The following LGI4 variants were observed in gnomAD, a reference collection of about 807,000 sequenced individuals.
LGI4 encodes the protein leucine-rich repeat LGI family member 4.
LGI4 carries 36 observed loss-of-function variants against 48.3 expected under a neutral mutation model. The ratio of observed to expected loss-of-function variants is 0.75; its 90% CI spans 0.57 to 0.98. LGI4 has a LOEUF of 0.98. LGI4 is among the 50% of genes least tolerant of loss of function. The pLI is 0.00. For missense variants in LGI4, 701 were observed against 732.1 expected (o/e 0.96, Z 0.49); for synonymous variants, 355 against 331.6 (o/e 1.07, Z -0.77).
Position 35,126,617 on chromosome 19 carries a change from TG to T in LGI4, c.951del (p.Asn318MetfsTer152). 1 of 1,541,654 alleles carries T rather than the reference TG, an allele frequency of 6.5e-7. No individual in the cohort carries two copies. Among genetic ancestry groups the T allele is most frequent in the Non-Finnish European group, 8.7e-7 (1 of 1,149,728 alleles). ...QTLAPRRLLRPNDAELLWLEG... is the reference protein window; with the variant it reads ...QTLAPRRLLRXNDAELLWLEG... ...TCCAGCCACAGGAGCTCGGCGTCAT[TG>T]GGCCGCAGCAGCCGCCGCGGGGCCA... On this transcript the variant is annotated frameshift_variant, in exon 8 of 9. Transcript: ENST00000310123. LOFTEE classifies it high-confidence loss of function.
rs183717972 is a variant in LGI4 at position 35,128,850 on chromosome 19, T to C, written c.629-1833A>G. 2.6e-5 allele frequency among the ~76,000 whole-genome samples: 4 copies of C among 152,322 alleles called. No individual in the cohort carries two copies. The East Asian group carries it at 7.7e-4, about 29-fold the overall frequency. The stretch of plus-strand genomic sequence containing the variant: ...CTGAGCCACACCTGCCTTCGTTTGA[T>C]CTTCAAACAGGGCACACTGTATGCT... On this transcript the variant is annotated intron_variant, in intron 6 of 8. Transcript: ENST00000310123.
In LGI4 at chr19:35,134,194, C is replaced by A. The variant is rs762314844; in HGVS notation, c.171-90G>T. 4.2e-6 allele frequency: 5 copies of A among 1,200,484 alleles called. No individual in the cohort carries two copies. The Admixed American group carries it at 6.0e-5, about 14-fold the overall frequency. 74.4% of individuals were successfully genotyped at this position (1,200,484 alleles called of 1,614,324 possible). On this transcript the variant is annotated intron_variant, in intron 1 of 8. Transcript: ENST00000310123. Reference sequence around the variant, plus strand: ...CCTTCTGCCATCCGGGAGACCCCAGCGTGCCACCCTGACCCTGGATGTGTC... The same window carrying A: ...CCTTCTGCCATCCGGGAGACCCCAGAGTGCCACCCTGACCCTGGATGTGTC...
chr19:35,134,194 C>T (rs762314844), intron 1 of LGI4, 90 bp from the exon 2 acceptor site: 63 of 1,200,484 alleles, frequency 5.2e-5, no homozygotes, highest in Non-Finnish European at 7.2e-5. Context: ...GAGACCCCAG[C>T]GTGCCACCCT....
chr19:35,128,332 A>G (rs548836605), intron 6 of LGI4, among the ~76,000 whole-genome samples: 169 of 152,348 alleles, frequency 1.1e-3, no homozygotes, highest in Non-Finnish European at 1.9e-3. Context: ...TCCAGGTGCC[A>G]GCGTTGAAGC....
Position 35,126,921 on chromosome 19 carries a change from G to A in LGI4, c.725C>T (p.Ala242Val), listed in dbSNP as rs763854801. The A allele has an allele frequency of 6.8e-6, 11 of 1,613,724 alleles. No individual in the cohort carries two copies. The highest frequency in any genetic ancestry group is 1.3e-5 in the African/African-American group (1 of 75,054). Reference sequence around the variant, plus strand: ...CCAGGAGAGAATCAGGCAGCGGCCGGCGAAGGGCTGTGCCAGCACAATGTG... The same window carrying A: ...CCAGGAGAGAATCAGGCAGCGGCCGACGAAGGGCTGTGCCAGCACAATGTG... ...EPHIVLAQPF[A>V]GRCLILSWDY... The change falls in exon 7 of 9, where the codon GCC becomes GTC. Residue 242 changes from alanine to valine, a missense_variant. Physicochemically the swap from Ala to Val is moderately conservative, Grantham distance 64. Coordinates refer to ENST00000310123, the MANE Select transcript of LGI4 (RefSeq NM_139284.3).
At chr19:35,133,198 C>T (rs753373440) in intron 3 of LGI4, 23 of 256,338 alleles carry the variant, frequency 9.0e-5, no homozygotes, top group Non-Finnish European at 1.3e-4. Context: ...TTATCATCAA[C>T]GCCATGACCC....
intron 2 of LGI4, 72 bp from the exon 3 acceptor site, chr19:35,133,836 C>T (rs1469161701): frequency 6.6e-7 from 1 of 1,508,534 alleles, no homozygotes; most frequent in African/African-American, 1.4e-5. Context: ...CTGGCCTCCA[C>T]CCTCAGCCTA....
chr19:35,132,109 A>G (rs767162401), intron 3 of LGI4, 67 bp from the exon 4 acceptor site: 24 of 1,305,700 alleles, frequency 1.8e-5, no homozygotes, highest in Non-Finnish European at 2.6e-5. Context: ...CATGAAAGAC[A>G]TAGGCCCACT....
intron 3 of LGI4, among the ~76,000 whole-genome samples, chr19:35,132,458 T>G (rs528092698): frequency 8.6e-5 from 13 of 151,062 alleles, no homozygotes; most frequent in African/African-American, 2.9e-4. Context: ...CCACCACCAG[T>G]GCTAGCACCC....
In LGI4 at chr19:35,125,135, G is replaced by T. The variant is rs2065121986; in HGVS notation, c.*58C>A. On this transcript the variant is annotated 3_prime_UTR_variant, in exon 9 of 9. Transcript: ENST00000310123. ...GGGCCATCACCCCAAGTAGGGCCAG[G>T]AGCCAGCCAAGGGGCCGTCCAGGGG... The T allele has an allele frequency of 2.3e-5, 33 of 1,445,724 alleles. 1 individual carries two copies. The South Asian group carries it at 4.7e-4, about 21-fold the overall frequency. 89.6% of individuals were successfully genotyped at this position (1,445,724 alleles called of 1,614,324 possible).
intron 3 of LGI4, 44 bp from the exon 4 acceptor site, chr19:35,132,086 A>C: frequency 6.7e-7 from 1 of 1,491,324 alleles, no homozygotes; most frequent in Non-Finnish European, 9.2e-7. Flanking sequence ...GCTGAGCTTC[A>C]GGGAACGCAC....
At position 35,133,501 on chromosome 19, in the gene LGI4, C is replaced by A. The variant is rs574411908; in HGVS notation, c.314+192G>T. The A allele has an allele frequency of 1.7e-5, 24 of 1,425,738 alleles. No homozygotes were observed. In the South Asian group the frequency reaches 3.0e-4, roughly 18 times the overall value. 88.3% of individuals were successfully genotyped at this position (1,425,738 alleles called of 1,614,324 possible). On this transcript the variant is annotated intron_variant, in intron 3 of 8. Coordinates refer to ENST00000310123, the MANE Select transcript of LGI4 (RefSeq NM_139284.3). ...ACTGATAAACATCATTGACACCAGC[C>A]CTGAGAACTTCATCAGTATCACCCA...
rs1161740667 is a variant in LGI4 at position 35,134,941 on chromosome 19, T to C, written c.-261A>G. On this transcript the variant is annotated 5_prime_UTR_variant, in exon 1 of 9. Coordinates refer to ENST00000310123, the MANE Select transcript of LGI4 (RefSeq NM_139284.3). ...CTCTGTGTGTTAGTCTGTTTCTATT[T>C]CTGTCTTTGTCTCTCTTTCTGCCTG... 2.5e-5 allele frequency: 12 copies of C among 477,650 alleles called. No homozygotes were observed. The highest frequency in any genetic ancestry group is 4.4e-5 in the Non-Finnish European group (12 of 272,092). The allele number at this position is 477,650 out of a possible 1,614,324, so 29.6% of individuals were successfully genotyped here.
chr19:35,126,230 T>C, intron 8 of LGI4, 40 bp downstream of exon 8: 1 of 1,598,418 alleles, frequency 6.3e-7, no homozygotes, highest in Non-Finnish European at 8.5e-7. Flanking sequence ...ATTGGGTCAG[T>C]GCTGAAAAGC....
At chr19:35,128,682 A>C (rs1422070947) in intron 6 of LGI4, among the ~76,000 whole-genome samples, 1 of 152,186 alleles carries the variant, frequency 6.6e-6, no homozygotes, top group African/African-American at 2.4e-5. Context: ...ACTGAACTCC[A>C]GCCTGGGCGA....
Position 35,126,288 on chromosome 19 carries a change from G to A in LGI4, c.1281C>T (p.Arg427=). ...GCCTCACCATGGAGTCCCCAATGTA[G>A]CGTGTGAGGCACAGGAACACGTCCC... ...AGGDVFLCLT[R]YIGDSMVMRW... The change falls in exon 8 of 9, where the codon CGC becomes CGT. Residue 427 remains arginine (R), a synonymous_variant. Transcript: ENST00000310123. 1 of 1,612,068 alleles carries A rather than the reference G, an allele frequency of 6.2e-7. No individual in the cohort carries two copies. The highest frequency in any genetic ancestry group is 8.5e-7 in the Non-Finnish European group (1 of 1,179,578).
intron 6 of LGI4, chr19:35,130,982 C>T (rs1038975654): frequency 5.7e-6 from 3 of 528,034 alleles, no homozygotes; most frequent in Admixed American, 7.2e-5. Context: ...GCCCAGTATC[C>T]TAAAAGGCAA....
chr19:35,124,642 G>C lies in LGI4; in HGVS notation c.*551C>G, dbSNP rs2065116575. The C allele has an allele frequency of 6.6e-6, 1 of 152,378 alleles. No individual in the cohort carries two copies. Among genetic ancestry groups the C allele is most frequent in the African/African-American group, 2.4e-5 (1 of 41,482 alleles). 9.4% of individuals were successfully genotyped at this position (152,378 alleles called of 1,614,324 possible). On this transcript the variant is annotated 3_prime_UTR_variant, in exon 9 of 9. Transcript: ENST00000310123. The stretch of plus-strand genomic sequence containing the variant: ...CCTGTGCCCCGGCGCACGCGCAAGA[G>C]GCGCAAAAGGCACAGCTTGCTGGGC...
rs1207197082 is a variant in LGI4, at chr19:35,126,648, C to A, written c.921G>T (p.Gln307His). The stretch of plus-strand genomic sequence containing the variant: ...GCAGCAGCCGCCGCGGGGCCAGGGT[C>A]TGCGTTGGGGCCAGGCGCAGGCCGG... ...PSPGLRLAPT[Q>H]TLAPRRLLRP... Residue 307 changes from glutamine to histidine, a missense_variant, in exon 8 of 9, where the codon CAG becomes CAT. Coordinates refer to ENST00000310123, the MANE Select transcript of LGI4 (RefSeq NM_139284.3). 2 of 1,538,218 alleles carry A rather than the reference C, an allele frequency of 1.3e-6. No individual in the cohort carries two copies. The highest frequency in any genetic ancestry group is 1.7e-6 in the Non-Finnish European group (2 of 1,147,790).
Sources: allele counts gnomAD v4.1 joint callset (sites outside exome capture counted in the v4.1 genomes callset), GRCh38; gene constraint gnomAD v4.1.1; transcripts MANE v1.5; gene names NCBI Gene and HGNC (gene_info 2026-07-23, HGNC 2026-07-21).